HIVEP2: variants seen among roughly 807,000 people sequenced by gnomAD.
The protein encoded by HIVEP2 is transcription factor HIVEP2.
A neutral mutation model predicts 180.7 loss-of-function variants in HIVEP2; 14 were observed. The ratio of observed to expected loss-of-function variants is 0.08; its 90% CI spans 0.05 to 0.12. HIVEP2 has a LOEUF of 0.12. Ranked by LOEUF, HIVEP2 falls within the 10% of genes least tolerant of loss-of-function variation. The pLI is 1.00. For synonymous variants in HIVEP2, 1,184 were observed against 1,136.4 expected (o/e 1.04, Z -0.84); for missense variants, 2,579 against 3,008.5 (o/e 0.86, Z 3.34).
intron 1 of HIVEP2, among the ~76,000 whole-genome samples, chr6:142,851,396 T>C (rs1341734567): frequency 6.6e-6 from 1 of 152,204 alleles, no homozygotes; most frequent in African/African-American, 2.4e-5. Context: ...CAAAGAGGAA[T>C]GTTAAAAGTT....
At chr6:142,880,657 A>C (rs772138451) in intron 1 of HIVEP2, among the ~76,000 whole-genome samples, 1 of 152,126 alleles carries the variant, frequency 6.6e-6, no homozygotes, top group Non-Finnish European at 1.5e-5. Flanking sequence ...AAGCTGCCCT[A>C]CACCTCTGAG....
intron 2 of HIVEP2, among the ~76,000 whole-genome samples, chr6:142,823,570 C>G (rs1777099245): frequency 6.6e-6 from 1 of 152,250 alleles, no homozygotes; most frequent in African/African-American, 2.4e-5. Context: ...GCAACAGATT[C>G]TCGCATAACA....
intron 1 of HIVEP2, among the ~76,000 whole-genome samples, chr6:142,859,830 G>C (rs1264344740): frequency 1.1e-4 from 6 of 55,414 alleles, no homozygotes; most frequent in Admixed American, 2.8e-4. Context: ...GTGAAACTCC[G>C]TCTCAAAAAA....
chr6:142,878,040 A>G (rs1019597430), intron 1 of HIVEP2, among the ~76,000 whole-genome samples: 2 of 152,132 alleles, frequency 1.3e-5, no homozygotes, highest in African/African-American at 4.8e-5. Flanking sequence ...CCAATATATT[A>G]TTTAACTAAT....
At position 142,773,578 on chromosome 6, in the gene HIVEP2, A is replaced by G. The variant is rs1485527368; in HGVS notation, c.1161T>C (p.Leu387=). The G allele has an allele frequency of 5.0e-6, 8 of 1,614,104 alleles. No individual in the cohort carries two copies. In the African/African-American group the frequency reaches 9.3e-5, roughly 19 times the overall value. ...KGQDSEPSLN[L]LSPHSKGSTD... ...TGCTTCCTTTACTGTGCGGGCTCAG[A>G]AGGTTGAGCGATGGCTCAGAATCTT... is the stretch of plus-strand genomic sequence containing the variant. Residue 387 remains leucine, a synonymous_variant, in exon 5 of 10, where the codon CTT becomes CTC. Transcript: ENST00000367603.
intron 2 of HIVEP2, among the ~76,000 whole-genome samples, chr6:142,815,800 T>C (rs548606741): frequency 6.6e-6 from 1 of 152,354 alleles, no homozygotes; most frequent in Admixed American, 6.5e-5. Flanking sequence ...TTGCTAGTCT[T>C]CTGCACAAAA....
intron 1 of HIVEP2, among the ~76,000 whole-genome samples, chr6:142,847,214 G>A (rs773945387): frequency 6.6e-6 from 1 of 152,208 alleles, no homozygotes; most frequent in Non-Finnish European, 1.5e-5. Flanking sequence ...CTGGTGCGGG[G>A]AATGCCAAGG....
chr6:142,871,027 C>T (rs575221961), intron 1 of HIVEP2, among the ~76,000 whole-genome samples: 7 of 152,240 alleles, frequency 4.6e-5, no homozygotes, highest in African/African-American at 7.2e-5. Context: ...ACACTGAAAG[C>T]GGGACCAGTG....
At position 142,773,243 on chromosome 6, in the gene HIVEP2, T is replaced by C. The variant is rs1189502641; in HGVS notation, c.1496A>G (p.Asn499Ser). The C allele has an allele frequency of 1.2e-6, 2 of 1,614,216 alleles. No homozygotes were observed. The highest frequency in any genetic ancestry group is 2.7e-5 in the African/African-American group (2 of 75,054). The change falls in exon 5 of 10, where the codon AAC becomes AGC. Residue 499 changes from asparagine (N) to serine (S), a missense_variant. Transcript: ENST00000367603. ...QTSMLKSTKF[N>S]SESRQPQIIP... Reference sequence around the variant, plus strand: ...AATCTGGGGTTGTCTGGACTCACTGTTGAACTTAGTGGATTTCAGCATGCT... The same window carrying C: ...AATCTGGGGTTGTCTGGACTCACTGCTGAACTTAGTGGATTTCAGCATGCT...
intron 1 of HIVEP2, among the ~76,000 whole-genome samples, chr6:142,901,839 G>T (rs1410905864): frequency 1.3e-5 from 2 of 152,132 alleles, no homozygotes; most frequent in Admixed American, 1.3e-4. Context: ...CAGCAAAACT[G>T]AATCTATCGG....
intron 1 of HIVEP2, among the ~76,000 whole-genome samples, chr6:142,898,041 T>C (rs1273868247): frequency 1.3e-5 from 2 of 152,182 alleles, no homozygotes; most frequent in Non-Finnish European, 2.9e-5. Flanking sequence ...TGGTCTCTTT[T>C]ATGCTCTTGA....
chr6:142,795,570 G>T (rs977376843), intron 2 of HIVEP2, among the ~76,000 whole-genome samples: 1 of 152,126 alleles, frequency 6.6e-6, no homozygotes, highest in African/African-American at 2.4e-5. Context: ...TTTTATTGCA[G>T]CTTCTGCTCT....
In HIVEP2 at chr6:142,772,310, C is replaced by G; in HGVS notation, c.2429G>C (p.Arg810Pro). ...CTCAGACCTTTCAAATGAATTGGGT[C>G]GGCTCAGTGAGTTGGTGTGCTGAAT... ...SVIQHTNSLS[R>P]PNSFERSESA... Residue 810 changes from arginine (R) to proline (P), a missense_variant, in exon 5 of 10, where the codon CGA becomes CCA. Physicochemically the swap from Arg to Pro is moderately radical, Grantham distance 103. Around this residue, in one of 11 missense-constraint regions of HIVEP2, gnomAD observed 524 missense variants for 563.6 expected, o/e 0.93. Transcript: ENST00000367603. This position sits in a 1 kb window ranked among gnomAD's most constrained non-coding sequence, Gnocchi z 4.9. The G allele has an allele frequency of 6.2e-7, 1 of 1,614,148 alleles. No homozygotes were observed. The highest frequency in any genetic ancestry group is 8.5e-7 in the Non-Finnish European group (1 of 1,180,036).
intron 1 of HIVEP2, among the ~76,000 whole-genome samples, chr6:142,885,992 A>C (rs1005241227): frequency 1.3e-5 from 2 of 152,214 alleles, no homozygotes; most frequent in Admixed American, 1.3e-4. Flanking sequence ...GGAAAACAAC[A>C]CAAATTGCTT....
chr6:142,772,985 G>T lies in HIVEP2; in HGVS notation c.1754C>A (p.Pro585His), dbSNP rs775849270. ...DVFYPGTVGI[P>H]PQRMLRRQAA... ...TTGTCTTCTTAGCATGCGCTGAGGG[G>T]GTATGCCCACGGTCCCTGGATAGAA... Residue 585 changes from proline to histidine, a missense_variant, in exon 5 of 10, where the codon CCC becomes CAC. This residue lies in a region of HIVEP2 where 524 missense variants were observed against 563.6 expected (regional missense o/e 0.93). Coordinates refer to ENST00000367603, the MANE Select transcript of HIVEP2 (RefSeq NM_006734.4). The surrounding 1 kb of genome is among the most constrained non-coding windows in gnomAD (Gnocchi z 4.9). The T allele has an allele frequency of 1.4e-5, 22 of 1,613,996 alleles. No individual in the cohort carries two copies. In the East Asian group the frequency reaches 4.7e-4, roughly 34 times the overall value.
At chr6:142,869,518 ATT>A (rs1354533821) in intron 1 of HIVEP2, among the ~76,000 whole-genome samples, 5 of 152,132 alleles carry the variant, frequency 3.3e-5, no homozygotes, top group African/African-American at 1.2e-4. Flanking sequence ...TAATTTTAAA[ATT>A]TGTTTTCAGT....
chr6:142,769,530 T>G (rs1273907075), intron 5 of HIVEP2, 22 bp downstream of exon 5: 1 of 1,602,908 alleles, frequency 6.2e-7, no homozygotes, highest in African/African-American at 1.3e-5. Flanking sequence ...TACAAAGTTC[T>G]TCCTAAAACA....
intron 2 of HIVEP2, among the ~76,000 whole-genome samples, chr6:142,814,386 C>T (rs1159618340): frequency 6.6e-6 from 1 of 152,052 alleles, no homozygotes; most frequent in African/African-American, 2.4e-5. Flanking sequence ...ACTTTGGAAC[C>T]AGTGTGGAGA....
intron 7 of HIVEP2, among the ~76,000 whole-genome samples, 162 bp downstream of exon 7, chr6:142,764,637 A>C (rs774401576): frequency 1.3e-5 from 2 of 152,204 alleles, no homozygotes; most frequent in Non-Finnish European, 2.9e-5. Context: ...TCTCACATAC[A>C]TCCTTTGATC....
Sources: allele counts gnomAD v4.1 joint callset (sites outside exome capture counted in the v4.1 genomes callset), GRCh38; gene constraint gnomAD v4.1.1; regional missense constraint gnomAD v4.1.1; non-coding constraint Gnocchi (gnomAD v3.1); transcripts MANE v1.5; gene names NCBI Gene and HGNC (gene_info 2026-07-23, HGNC 2026-07-21).